The following LPAR5 variants were observed in gnomAD, a reference collection of about 807,000 sequenced individuals.
The protein encoded by LPAR5 is lysophosphatidic acid receptor 5.
For missense variants in LPAR5, 544 were observed against 521.8 expected, an observed-to-expected ratio of 1.04 and a Z score of -0.41; for synonymous variants, 271 against 261.6, an observed-to-expected ratio of 1.04 and a Z score of -0.35.
chr12:6,627,560 C>T (rs928607496), intron 1 of LPAR5, among the ~76,000 whole-genome samples: 1 of 152,196 alleles, frequency 6.6e-6, no homozygotes, highest in Non-Finnish European at 1.5e-5. Flanking sequence ...CACTGCACTC[C>T]AGCTTGAGTG....
Position 6,620,887 on chromosome 12 carries a change from G to T in LPAR5, c.362C>A (p.Ala121Asp). ...CAGTCGCAGCGGGTGCACGATGGCG[G>T]CGTAGCGGTCCACGTTGATGAGCAT... Reference protein sequence around the residue: ...FLMLINVDRYAAIVHPLRLRH... With the variant: ...FLMLINVDRYDAIVHPLRLRH... Residue 121 changes from alanine to aspartate, a missense_variant, in exon 2 of 2, where the codon GCC becomes GAC. Ala to Asp is a moderately radical substitution (Grantham distance 126, BLOSUM62 -2). Transcript: ENST00000329858. This position sits in a 1 kb window ranked among gnomAD's most constrained non-coding sequence, Gnocchi z 6.8. 1 of 1,578,364 alleles carries T rather than the reference G, an allele frequency of 6.3e-7. No individual in the cohort carries two copies. The highest frequency in any genetic ancestry group is 1.1e-5 in the South Asian group (1 of 87,092).
chr12:6,630,548 G>A (rs369410673), intron 1 of LPAR5, among the ~76,000 whole-genome samples: 37 of 136,020 alleles, frequency 2.7e-4, no homozygotes, highest in African/African-American at 1.0e-3. Flanking sequence ...TTCCTCCCAG[G>A]TTCAAGCAAT....
At chr12:6,627,441 A>G (rs1175317714) in intron 1 of LPAR5, among the ~76,000 whole-genome samples, 1 of 151,466 alleles carries the variant, frequency 6.6e-6, no homozygotes, top group African/African-American at 2.4e-5. Context: ...AATACAAACA[A>G]TTAGCCGGGC....
Position 6,620,991 on chromosome 12 carries a change from G to A in LPAR5, c.258C>T (p.His86=), listed in dbSNP as rs778954390. 2 of 1,613,642 alleles carry A rather than the reference G, an allele frequency of 1.2e-6. No individual in the cohort carries two copies. Among genetic ancestry groups the A allele is most frequent in the South Asian group, 2.2e-5 (2 of 90,992 alleles). The change falls in exon 2 of 2, where the codon CAC becomes CAT. Residue 86 remains histidine (H), a synonymous_variant. Coordinates refer to ENST00000329858, the MANE Select transcript of LPAR5 (RefSeq NM_020400.6). This position sits in a 1 kb window ranked among gnomAD's most constrained non-coding sequence, Gnocchi z 6.8. The stretch of plus-strand genomic sequence containing the variant: ...GGCACAGGAGGTCGGGGAAGGGCCA[G>A]TGGTGCAGTGCGTAGTAGGAGAGAC... ...PVRLSYYALH[H]WPFPDLLCQT...
rs1035278618 is a variant in LPAR5, at chr12:6,619,868, C to T, written c.*262G>A. ...AAGGCATTTCGTCCTCTTCTGCCCT[C>T]TGCACGGGTGGGCTCTCTGCATCAC... On this transcript the variant is annotated 3_prime_UTR_variant, in exon 2 of 2. Coordinates refer to ENST00000329858, the MANE Select transcript of LPAR5 (RefSeq NM_020400.6). 4 of 667,580 alleles carry T rather than the reference C, an allele frequency of 6.0e-6. No individual in the cohort carries two copies. The highest frequency in any genetic ancestry group is 4.8e-4 in the Middle Eastern group (2 of 4,188). The allele number at this position is 667,580 out of a possible 1,614,324, so 41.4% of individuals were successfully genotyped here.
At position 6,634,461 on chromosome 12, in the gene LPAR5, C is replaced by T. The variant is rs376984101; in HGVS notation, c.-217+1446G>A. ...AACCCTGTCTCTACACAAACACACA[C>T]ACACCCAAAAAAAATACAAAAAGTA... On this transcript the variant is annotated intron_variant, in intron 1 of 1. Coordinates refer to ENST00000329858, the MANE Select transcript of LPAR5 (RefSeq NM_020400.6). Among the ~76,000 whole-genome samples the T allele has an allele frequency of 2.0e-5, 3 of 151,720 alleles. No individual in the cohort carries two copies. The East Asian group carries it at 5.9e-4, about 30-fold the overall frequency.
chr12:6,628,735 C>T (rs577402924), intron 1 of LPAR5, among the ~76,000 whole-genome samples: 4 of 150,768 alleles, frequency 2.7e-5, no homozygotes, highest in Admixed American at 1.3e-4. Context: ...CAGGTTCAAG[C>T]GATTCTCCTG....
At chr12:6,622,290 TA>T (rs930805002) in intron 1 of LPAR5, among the ~76,000 whole-genome samples, 1 of 150,894 alleles carries the variant, frequency 6.6e-6, no homozygotes, top group East Asian at 1.9e-4. Context: ...TAGCCTGGCA[TA>T]GGGGCGGGCG....
At position 6,618,880 on chromosome 12, in the gene LPAR5, A is replaced by T. The variant is rs150905501; in HGVS notation, c.*1250T>A. The T allele has an allele frequency of 2.0e-5, 3 of 152,336 alleles. No individual in the cohort carries two copies. The highest frequency in any genetic ancestry group is 6.5e-5 in the Admixed American group (1 of 15,304). The allele number at this position is 152,336 out of a possible 1,614,324, so 9.4% of individuals were successfully genotyped here. A position where few individuals can be genotyped will look rare whatever the true frequency, so the allele number is the denominator to read the frequency against. On this transcript the variant is annotated 3_prime_UTR_variant, in exon 2 of 2. Coordinates refer to ENST00000329858, the MANE Select transcript of LPAR5 (RefSeq NM_020400.6). ...TTATTTAGCACTGCCCTCTCCCCAC[A>T]GTAATAAAAAGCACTGTACATAATG... is the stretch of plus-strand genomic sequence containing the variant.
At chr12:6,628,425 C>G (rs947043226) in intron 1 of LPAR5, among the ~76,000 whole-genome samples, 2 of 151,634 alleles carry the variant, frequency 1.3e-5, no homozygotes, top group Non-Finnish European at 2.9e-5. Context: ...CAAAGAACCT[C>G]AAGTCTGTCT....
At chr12:6,632,567 A>T (rs1278695000) in intron 1 of LPAR5, among the ~76,000 whole-genome samples, 3 of 152,152 alleles carry the variant, frequency 2.0e-5, no homozygotes, top group Non-Finnish European at 4.4e-5. Flanking sequence ...GACAGGCTTC[A>T]TCATGAAGAC....
intron 1 of LPAR5, among the ~76,000 whole-genome samples, chr12:6,623,125 C>G (rs754115441): frequency 6.6e-6 from 1 of 152,026 alleles, no homozygotes; most frequent in Non-Finnish European, 1.5e-5. Flanking sequence ...GTAGTCCCAG[C>G]TACTCAGGAG....
At chr12:6,627,426 C>G (rs1948949491) in intron 1 of LPAR5, among the ~76,000 whole-genome samples, 1 of 152,076 alleles carries the variant, frequency 6.6e-6, no homozygotes, top group Non-Finnish European at 1.5e-5. Context: ...CTCGTCTCTA[C>G]TAAAAATACA....
At position 6,620,665 on chromosome 12, in the gene LPAR5, G is replaced by T; in HGVS notation, c.584C>A (p.Ala195Asp). Reference protein sequence around the residue: ...KGRLLPLVLLAEALGFLLPLA... With the variant: ...KGRLLPLVLLDEALGFLLPLA... ...GGGCAGCAGGAAGCCCAGCGCCTCG[G>T]CCAGCAGCACGAGGGGCAGCAGCCT... is the stretch of plus-strand genomic sequence containing the variant. Residue 195 changes from alanine (A) to aspartate (D), a missense_variant, in exon 2 of 2, where the codon GCC (alanine) becomes GAC (aspartate). By Grantham distance (126) the Ala-to-Asp change is moderately radical (BLOSUM62 -2). Coordinates refer to ENST00000329858, the MANE Select transcript of LPAR5 (RefSeq NM_020400.6). The surrounding 1 kb of genome is among the most constrained non-coding windows in gnomAD (Gnocchi z 6.8). 6.4e-7 allele frequency: 1 copy of T among 1,560,140 alleles called. No individual in the cohort carries two copies. Among genetic ancestry groups the T allele is most frequent in the East Asian group, 2.4e-5 (1 of 42,238 alleles).
Position 6,620,753 on chromosome 12 carries a change from G to T in LPAR5, c.496C>A (p.Arg166Ser). The T allele has an allele frequency of 6.3e-7, 1 of 1,591,946 alleles. No individual in the cohort carries two copies. The highest frequency in any genetic ancestry group is 8.5e-7 in the Non-Finnish European group (1 of 1,169,722). The change falls in exon 2 of 2, where the codon CGC (arginine) becomes AGC (serine). Residue 166 changes from arginine to serine, a missense_variant. Arg to Ser is a moderately radical substitution (Grantham distance 110). Coordinates refer to ENST00000329858, the MANE Select transcript of LPAR5 (RefSeq NM_020400.6). The surrounding 1 kb of genome is among the most constrained non-coding windows in gnomAD (Gnocchi z 6.8). ...AARVHRPSRC[R>S]YRDLEVRLCF... ...AGGCGCACCTCGAGGTCCCGGTAGC[G>T]GCAACGCGAGGGCCTGTGCACGCGG...
At chr12:6,629,375 C>CA (rs369669484) in intron 1 of LPAR5, among the ~76,000 whole-genome samples, 8,371 of 60,378 alleles carry the variant, frequency 0.14, 644 homozygotes, top group East Asian at 0.37. Context: ...GACTCTGTCT[C>CA]AAAAAAAAAA....
At chr12:6,629,130 C>G (rs1324884521) in intron 1 of LPAR5, among the ~76,000 whole-genome samples, 8 of 147,842 alleles carry the variant, frequency 5.4e-5, no homozygotes, top group Non-Finnish European at 1.0e-4. Context: ...AATCCCAGCA[C>G]TTTGGGAGGC....
chr12:6,620,643 C>G lies in LPAR5; in HGVS notation c.606G>C (p.Leu202=). The stretch of plus-strand genomic sequence containing the variant: ...ACGAGTAGACCACCGCCGCCAGGGG[C>G]AGCAGGAAGCCCAGCGCCTCGGCCA... ...VLLAEALGFL[L]PLAAVVYSSG... Residue 202 remains leucine (L), a synonymous_variant, in exon 2 of 2, where the codon CTG becomes CTC. Coordinates refer to ENST00000329858, the MANE Select transcript of LPAR5 (RefSeq NM_020400.6). This position sits in a 1 kb window ranked among gnomAD's most constrained non-coding sequence, Gnocchi z 6.8. 6.4e-7 allele frequency: 1 copy of G among 1,554,606 alleles called. No homozygotes were observed. The highest frequency in any genetic ancestry group is 8.7e-7 in the Non-Finnish European group (1 of 1,149,754).
At chr12:6,623,350 A>G (rs1948910326) in intron 1 of LPAR5, among the ~76,000 whole-genome samples, 1 of 152,080 alleles carries the variant, frequency 6.6e-6, no homozygotes, top group Admixed American at 6.6e-5. Flanking sequence ...CCTGGCCAAC[A>G]TGACAAAATC....
Sources: allele counts gnomAD v4.1 joint callset (sites outside exome capture counted in the v4.1 genomes callset), GRCh38; gene constraint gnomAD v4.1.1; non-coding constraint Gnocchi (gnomAD v3.1); transcripts MANE v1.5; gene names NCBI Gene and HGNC (gene_info 2026-07-23, HGNC 2026-07-21).